The following WDFY4 variants were observed in gnomAD, a reference collection of about 807,000 sequenced individuals.
WDFY4 encodes WDFY family member 4.
In WDFY4, 169 loss-of-function variants were observed where a neutral mutation model predicts 351.9. That is an observed-to-expected ratio of 0.48 (90% CI 0.42 to 0.55). The LOEUF is 0.55. Among genes scored for constraint, WDFY4 ranks in the 20% least tolerant of loss-of-function variants. The pLI is 0.00. For missense variants in WDFY4, 3,803 were observed against 3,935.6 expected (o/e 0.97, Z 0.90); for synonymous variants, 1,622 against 1,574.6 (o/e 1.03, Z -0.71).
At chr10:48,871,635 C>A (rs1226127374) in intron 40 of WDFY4, among the ~76,000 whole-genome samples, 1 of 152,066 alleles carries the variant, frequency 6.6e-6, no homozygotes, top group Non-Finnish European at 1.5e-5. Flanking sequence ...ACTAACATGC[C>A]CAGTTATTTC....
intron 3 of WDFY4, 120 bp from the exon 4 acceptor site, chr10:48,721,135 TGTAGGC>T: frequency 2.4e-6 from 2 of 831,606 alleles, no homozygotes; most frequent in Non-Finnish European, 3.9e-6. Context: ...CTTGGGGATG[TGTAGGC>T]AAGATGCCAA....
intron 1 of WDFY4, among the ~76,000 whole-genome samples, chr10:48,696,859 A>C: frequency 6.6e-6 from 1 of 152,282 alleles, no homozygotes; most frequent in South Asian, 2.1e-4. Context: ...GGCTTGCTTA[A>C]TTCTTTCTGC....
rs139980312 is a variant in WDFY4 at position 48,844,095 on chromosome 10, G to A, written c.6663+11386G>A. ...GCCGCCTGCTGCATGAGTTACAGCC[G>A]CCTTCTCGCCCTGGGACCCATCTAT... On this transcript the variant is annotated intron_variant, in intron 39 of 61. Coordinates refer to ENST00000325239, the MANE Select transcript of WDFY4 (RefSeq NM_001394531.1). 4.2e-3 allele frequency among the ~76,000 whole-genome samples: 643 copies of A among 152,336 alleles called. 2 individuals carry two copies. The highest frequency in any genetic ancestry group is 0.014 in the African/African-American group (590 of 41,584).
Position 48,777,471 on chromosome 10 carries a change from T to C in WDFY4, c.3151T>C (p.Ser1051Pro). 1 of 1,551,788 alleles carries C rather than the reference T, an allele frequency of 6.4e-7. No homozygotes were observed. The change falls in exon 17 of 62, where the codon TCT becomes CCT. Residue 1051 changes from serine (S) to proline (P), a missense_variant. Coordinates refer to ENST00000325239, the MANE Select transcript of WDFY4 (RefSeq NM_001394531.1). ...STVMGTSTEY[S>P]VSGGIGTGAT... ...AGTTATGGGAACCAGCACTGAGTAC[T>C]CTGTCTCTGGAGGAATTGGGACAGG...
chr10:48,777,732 AG>A (rs1565186578), intron 17 of WDFY4, among the ~76,000 whole-genome samples: 1 of 152,220 alleles, frequency 6.6e-6, no homozygotes, highest in Non-Finnish European at 1.5e-5. Flanking sequence ...CCTGGGCTAC[AG>A]TGTAAGACCC....
chr10:48,954,339 G>T (rs1391815308), intron 51 of WDFY4, among the ~76,000 whole-genome samples: 1 of 152,192 alleles, frequency 6.6e-6, no homozygotes, highest in Non-Finnish European at 1.5e-5. Flanking sequence ...TTGTTCCTTT[G>T]TTGGCAATAA....
intron 27 of WDFY4, among the ~76,000 whole-genome samples, chr10:48,806,466 G>A (rs1345632370): frequency 6.6e-6 from 1 of 152,204 alleles, no homozygotes; most frequent in Non-Finnish European, 1.5e-5. Flanking sequence ...GCAGGTGATG[G>A]CCTGCCCTCT....
At chr10:48,764,886 A>G (rs940435202) in intron 13 of WDFY4, among the ~76,000 whole-genome samples, 2 of 152,220 alleles carry the variant, frequency 1.3e-5, no homozygotes, top group Non-Finnish European at 2.9e-5. Flanking sequence ...AGGTTTGCCC[A>G]CAAGGCCTTG....
chr10:48,925,765 G>A (rs1839517830), intron 47 of WDFY4, among the ~76,000 whole-genome samples: 1 of 152,114 alleles, frequency 6.6e-6, no homozygotes, highest in Admixed American at 6.6e-5. Context: ...GGACTCCACA[G>A]TTTGGGGGGA....
rs1209848397 is a variant in WDFY4, at chr10:48,905,110, C to T, written c.7586+3247C>T. On this transcript the variant is annotated intron_variant, in intron 47 of 61. Coordinates refer to ENST00000325239, the MANE Select transcript of WDFY4 (RefSeq NM_001394531.1). ...TTGATGAACCTATTCTGTAATGTCACTCAGTGACAGCATAGCTGTCCCTAT... is the reference window on the plus strand; with the variant it reads ...TTGATGAACCTATTCTGTAATGTCATTCAGTGACAGCATAGCTGTCCCTAT... 2.0e-5 allele frequency among the ~76,000 whole-genome samples: 3 copies of T among 152,220 alleles called. No individual in the cohort carries two copies. The South Asian group carries it at 6.2e-4, about 32-fold the overall frequency.
Position 48,859,509 on chromosome 10 carries a change from A to G in WDFY4, c.6664-7756A>G, listed in dbSNP as rs936081848. Among the ~76,000 whole-genome samples, 10 of 152,290 alleles carry G rather than the reference A, an allele frequency of 6.6e-5. No homozygotes were observed. In the East Asian group the frequency reaches 1.9e-3, roughly 29 times the overall value. On this transcript the variant is annotated intron_variant, in intron 39 of 61. Coordinates refer to ENST00000325239, the MANE Select transcript of WDFY4 (RefSeq NM_001394531.1). Reference sequence around the variant, plus strand: ...TCTTCTTTAACCTGCTAAAATGGTGAGTTAGATTGATTGATTACTTTTTGG... The same window carrying G: ...TCTTCTTTAACCTGCTAAAATGGTGGGTTAGATTGATTGATTACTTTTTGG...
intron 2 of WDFY4, among the ~76,000 whole-genome samples, chr10:48,717,109 A>G (rs1202774434): frequency 6.6e-6 from 1 of 152,238 alleles, no homozygotes. Context: ...TAGTAATAGT[A>G]CAAACCTCAA....
In WDFY4 at chr10:48,760,411, C is replaced by T; in HGVS notation, c.2524C>T (p.Pro842Ser). 6.4e-7 allele frequency: 1 copy of T among 1,551,678 alleles called. No individual in the cohort carries two copies. Among genetic ancestry groups the T allele is most frequent in the Non-Finnish European group, 8.7e-7 (1 of 1,146,996 alleles). ...GVVCIMVRLL[P>S]RLYHEDHPQL... ...CGTGTGCATCATGGTGAGGCTGCTG[C>T]CTCGGTTGTACCATGAAGATCACCC... Residue 842 changes from proline to serine, a missense_variant, in exon 13 of 62, where the codon CCT becomes TCT. Physicochemically the swap from Pro to Ser is moderately conservative, Grantham distance 74. Transcript: ENST00000325239.
In WDFY4 at chr10:48,830,777, G is replaced by A; in HGVS notation, c.6418G>A (p.Ala2140Thr). 6.4e-7 allele frequency: 1 copy of A among 1,551,672 alleles called. No homozygotes were observed. Among genetic ancestry groups the A allele is most frequent in the Non-Finnish European group, 8.7e-7 (1 of 1,146,948 alleles). Residue 2140 changes from alanine (A) to threonine (T), a missense_variant, in exon 38 of 62, where the codon GCC (alanine) becomes ACC (threonine). By Grantham distance (58) the Ala-to-Thr change is moderately conservative (BLOSUM62 0). Coordinates refer to ENST00000325239, the MANE Select transcript of WDFY4 (RefSeq NM_001394531.1). ...ACAAAGGCAGCAGACCCTGGAGGAT[G>A]CCTTCAAGATCGATCTCTCTGTGAA... Reference protein sequence around the residue: ...VAQRQQTLEDAFKIDLSVKPG... With the variant: ...VAQRQQTLEDTFKIDLSVKPG...
chr10:48,873,347 T>G (rs1389655531), intron 40 of WDFY4, 144 bp from the exon 41 acceptor site: 1 of 919,440 alleles, frequency 1.1e-6, no homozygotes, highest in Non-Finnish European at 1.6e-6. Flanking sequence ...GTGGGTACCC[T>G]ACACATTCTG....
chr10:48,774,514 G>A lies in WDFY4; in HGVS notation c.2610G>A (p.Ser870=), dbSNP rs377632334. ...GTCATATCCAGTCCCTGGTGAAGTC[G>A]GAGAAGAACCGCCAGGTCATGTGCG... The part of the protein sequence containing the change: ...LASHIQSLVK[S]EKNRQVMCEA... The change falls in exon 14 of 62, where the codon TCG becomes TCA. Residue 870 remains serine, a synonymous_variant. Coordinates refer to ENST00000325239, the MANE Select transcript of WDFY4 (RefSeq NM_001394531.1). 37 of 1,551,734 alleles carry A rather than the reference G, an allele frequency of 2.4e-5. No individual in the cohort carries two copies. Among genetic ancestry groups the A allele is most frequent in the African/African-American group, 2.2e-4 (16 of 73,180 alleles).
intron 60 of WDFY4, chr10:48,979,607 A>ATGGG (rs1236182787): frequency 3.3e-5 from 5 of 151,270 alleles, no homozygotes; most frequent in African/African-American, 7.3e-5. Context: ...GGATGGATGG[A>ATGGG]TGGATGGATG....
At chr10:48,787,900 CTTCTT>C (rs2066502146) in intron 20 of WDFY4, among the ~76,000 whole-genome samples, 3 of 27,232 alleles carry the variant, frequency 1.1e-4, no homozygotes, top group African/African-American at 1.9e-4. Context: ...TCTCCTTCTT[CTTCTT>C]CTTCTTCTTC....
chr10:48,933,359 G>A (rs114849733), intron 47 of WDFY4, among the ~76,000 whole-genome samples: 3,497 of 152,246 alleles, frequency 0.023, 119 homozygotes, highest in African/African-American at 0.08. Context: ...CTAGTCAAAG[G>A]CGCATGCCTC....
Sources: allele counts gnomAD v4.1 joint callset (sites outside exome capture counted in the v4.1 genomes callset), GRCh38; gene constraint gnomAD v4.1.1; transcripts MANE v1.5; gene names NCBI Gene and HGNC (gene_info 2026-07-23, HGNC 2026-07-21).